Variants in SHISA9 observed in about 807,000 individuals in gnomAD.
SHISA9 encodes the protein protein shisa-9.
SHISA9 carries 13 observed loss-of-function variants against 38.0 expected under a neutral mutation model. The ratio of observed to expected loss-of-function variants is 0.34; its 90% CI spans 0.22 to 0.54. The LOEUF is 0.54. SHISA9 is among the 20% of genes least tolerant of loss of function. The pLI, the probability that SHISA9 is intolerant of heterozygous loss-of-function variation, is 0.91. For synonymous variants in SHISA9, 275 were observed against 242.0 expected (o/e 1.14, Z -1.27); for missense variants, 538 against 575.8 (o/e 0.93, Z 0.67).
intron 2 of SHISA9, among the ~76,000 whole-genome samples, chr16:13,146,019 C>G (rs1376275531): frequency 6.6e-6 from 1 of 152,214 alleles, no homozygotes; most frequent in African/African-American, 2.4e-5. Context: ...AAAACCCTGT[C>G]TTTACTAAAG....
At chr16:13,491,818 CTTTTTTTTTTTTTTTTTTTTTT>C in the SHISA9 span, among the ~76,000 whole-genome samples, 24 of 44,552 alleles carry the variant, frequency 5.4e-4, no homozygotes, top group African/African-American at 1.0e-3. Context: ...ATTTATTGAC[CTTTTTTTTTTTTTTTTTTTTTT>C]TTTTTTTTTT....
the SHISA9 span, among the ~76,000 whole-genome samples, chr16:13,393,047 C>T: frequency 6.6e-6 from 1 of 152,204 alleles, no homozygotes; most frequent in Non-Finnish European, 1.5e-5. Context: ...ACAAATTCTG[C>T]CCACTGATGG....
intron 2 of SHISA9, among the ~76,000 whole-genome samples, chr16:12,951,220 CCAAAAAAAAAAAAA>C (rs1358317166): frequency 5.1e-5 from 4 of 77,686 alleles, no homozygotes; most frequent in Middle Eastern, 8.6e-3. Context: ...GACTCCTTCT[CCAAAAAAAAAAAAA>C]AAAAAAAAAA....
the SHISA9 span, among the ~76,000 whole-genome samples, chr16:13,245,469 T>C: frequency 2.0e-5 from 3 of 152,322 alleles, no homozygotes; most frequent in Non-Finnish European, 2.9e-5. Flanking sequence ...TTGGCTGTTA[T>C]GAGAGATAAA....
chr16:13,110,345 A>G (rs960684789), intron 2 of SHISA9, among the ~76,000 whole-genome samples: 23 of 152,338 alleles, frequency 1.5e-4, no homozygotes, highest in Admixed American at 1.2e-3. Flanking sequence ...CTTTTTCTCC[A>G]GATGGGACAG....
intron 2 of SHISA9, among the ~76,000 whole-genome samples, chr16:13,096,654 A>G (rs1299375380): frequency 1.3e-5 from 2 of 152,210 alleles, no homozygotes; most frequent in South Asian, 2.1e-4. Flanking sequence ...AAATCTTACT[A>G]TGAGTAACTT....
At chr16:13,369,535 C>T in the SHISA9 span, among the ~76,000 whole-genome samples, 1 of 151,308 alleles carries the variant, frequency 6.6e-6, no homozygotes, top group African/African-American at 2.4e-5. Context: ...TCTTGGGACC[C>T]CAGAAGTAAG....
the SHISA9 span, among the ~76,000 whole-genome samples, chr16:13,441,573 T>C: frequency 5.9e-5 from 9 of 152,172 alleles, no homozygotes; most frequent in East Asian, 7.7e-4. Context: ...TGATGGTTGC[T>C]AGGTGTAGGT....
the SHISA9 span, among the ~76,000 whole-genome samples, chr16:13,320,228 C>CTGCACGGA: frequency 7.4e-6 from 1 of 135,688 alleles, no homozygotes; most frequent in African/African-American, 2.8e-5. Flanking sequence ...GAGGCAGAGG[C>CTGCACGGA]TGCACGGAGC....
At chr16:13,400,899 A>G in the SHISA9 span, among the ~76,000 whole-genome samples, 6 of 152,312 alleles carry the variant, frequency 3.9e-5, no homozygotes, top group Middle Eastern at 6.8e-3. Flanking sequence ...TTGAGAACCA[A>G]ATAAAGAAAG....
chr16:13,204,652 G>A lies in SHISA9; in HGVS notation c.847+1103G>A, dbSNP rs1182077760. On this transcript the variant is annotated intron_variant, in intron 3 of 4. Transcript: ENST00000558583. ...AGGATTTAAGTATTTACGGGAGTGG[G>A]CAGCCTGGGGCTGCTACTAATGGAG... Among the ~76,000 whole-genome samples, 5 of 152,364 alleles carry A rather than the reference G, an allele frequency of 3.3e-5. No individual in the cohort carries two copies. The East Asian group carries it at 9.6e-4, about 29-fold the overall frequency.
At chr16:13,233,454 C>G (rs2142087429) in intron 4 of SHISA9, among the ~76,000 whole-genome samples, 1 of 152,288 alleles carries the variant, frequency 6.6e-6, no homozygotes, top group Admixed American at 6.5e-5. Context: ...CCAAATAATT[C>G]TACTTTTTAT....
At chr16:13,394,489 G>T in the SHISA9 span, among the ~76,000 whole-genome samples, 1 of 152,106 alleles carries the variant, frequency 6.6e-6, no homozygotes, top group Non-Finnish European at 1.5e-5. Flanking sequence ...TCTACACTCA[G>T]TTCAGATGTT....
At chr16:13,129,987 G>A (rs1027715915) in intron 2 of SHISA9, among the ~76,000 whole-genome samples, 4 of 152,168 alleles carry the variant, frequency 2.6e-5, no homozygotes, top group Middle Eastern at 3.4e-3. Flanking sequence ...AACATTCTTC[G>A]CCATTAGTAG....
the SHISA9 span, among the ~76,000 whole-genome samples, chr16:13,294,965 A>T: frequency 1.3e-5 from 2 of 152,150 alleles, no homozygotes; most frequent in Non-Finnish European, 2.9e-5. Context: ...ACATTAATTC[A>T]TTTAACCCTT....
At chr16:13,128,987 A>G (rs1374066290) in intron 2 of SHISA9, among the ~76,000 whole-genome samples, 1 of 152,162 alleles carries the variant, frequency 6.6e-6, no homozygotes, top group Non-Finnish European at 1.5e-5. Context: ...GGTTTTGTGG[A>G]TATGCTTTTA....
chr16:12,979,648 A>G (rs1282857995), intron 2 of SHISA9, among the ~76,000 whole-genome samples: 1 of 152,018 alleles, frequency 6.6e-6, no homozygotes, highest in Non-Finnish European at 1.5e-5. Flanking sequence ...ATCATGCTGT[A>G]TATTATCCTT....
In SHISA9 at chr16:13,186,518, G is replaced by A. The variant is rs948403762; in HGVS notation, c.692-16876G>A. ...TCACCATGTTGGTCAGGCTGGTCTCGAACTCCTGACCTCGTGATACACCCG... is the reference window on the plus strand; with the variant it reads ...TCACCATGTTGGTCAGGCTGGTCTCAAACTCCTGACCTCGTGATACACCCG... On this transcript the variant is annotated intron_variant, in intron 2 of 4. Coordinates refer to ENST00000558583, the MANE Select transcript of SHISA9 (RefSeq NM_001145204.3). Among the ~76,000 whole-genome samples, 4 of 151,668 alleles carry A rather than the reference G, an allele frequency of 2.6e-5. No individual in the cohort carries two copies. The South Asian group carries it at 8.3e-4, about 32-fold the overall frequency.
chr16:13,417,887 C>T, the SHISA9 span, among the ~76,000 whole-genome samples: 1 of 152,180 alleles, frequency 6.6e-6, no homozygotes, highest in African/African-American at 2.4e-5. Flanking sequence ...ATGCTTGAAG[C>T]TTTGGTGTGG....
Sources: gnomAD v4.1 joint callset for allele counts (sites outside exome capture counted in the v4.1 genomes callset) on GRCh38, gnomAD v4.1.1 for gene constraint, MANE v1.5 for transcripts, NCBI Gene and HGNC (gene_info 2026-07-23, HGNC 2026-07-21) for gene names.